GRB10: variants seen among roughly 807,000 people sequenced by gnomAD.
GRB10 encodes growth factor receptor bound protein 10.
In GRB10, 20 loss-of-function variants were observed where a neutral mutation model predicts 80.9. That is an observed-to-expected ratio of 0.25 (90% confidence interval 0.17 to 0.36). The LOEUF (loss-of-function observed/expected upper bound fraction) is 0.36. Ranked by LOEUF, GRB10 falls within the 10% of genes least tolerant of loss-of-function variation. The pLI, the probability that GRB10 is intolerant of heterozygous loss-of-function variation, is 1.00. For synonymous variants in GRB10, 291 were observed against 291.5 expected, an observed-to-expected ratio of 1.00 and a Z score of 0.02; for missense variants, 548 against 747.7, an observed-to-expected ratio of 0.73 and a Z score of 3.12.
intron 17 of GRB10, among the ~76,000 whole-genome samples, chr7:50,596,923 GT>G (rs1343625122): frequency 2.0e-5 from 3 of 152,136 alleles, no homozygotes; most frequent in Admixed American, 2.0e-4. Flanking sequence ...TGAAAAGATA[GT>G]TATACATCAG....
intron 3 of GRB10, among the ~76,000 whole-genome samples, chr7:50,752,233 G>A (rs909357445): frequency 3.9e-5 from 6 of 152,022 alleles, no homozygotes; most frequent in African/African-American, 1.5e-4. Context: ...AAAAAATGAG[G>A]GGCTACAAAA....
At chr7:50,666,149 T>C (rs1387433087) in intron 7 of GRB10, among the ~76,000 whole-genome samples, 1 of 152,206 alleles carries the variant, frequency 6.6e-6, no homozygotes, top group Non-Finnish European at 1.5e-5. Context: ...CTGCTCTCTT[T>C]TGGCACATGC....
intron 14 of GRB10, 35 bp from the exon 15 acceptor site, chr7:50,605,441 G>T (rs761871710): frequency 6.6e-7 from 1 of 1,523,014 alleles, no homozygotes; most frequent in Non-Finnish European, 9.1e-7. Context: ...TAAAATGCAG[G>T]GAAATAAGGC....
intron 7 of GRB10, among the ~76,000 whole-genome samples, chr7:50,662,777 T>A (rs1017383905): frequency 3.3e-5 from 5 of 152,318 alleles, no homozygotes; most frequent in Middle Eastern, 3.4e-3. Flanking sequence ...ACAGGAAAAT[T>A]AAGATTCTAC....
At position 50,626,528 on chromosome 7, in the gene GRB10, G is replaced by C. The variant is rs895222389; in HGVS notation, c.661+294C>G. ...ACAGGTGTGCAGCAAGCTCCATGTG[G>C]CTCTGACAGCTGGGGAGGCTGGACA... On this transcript the variant is annotated intron_variant, in intron 8 of 18. Transcript: ENST00000401949. 2.0e-5 allele frequency among the ~76,000 whole-genome samples: 3 copies of C among 152,326 alleles called. No homozygotes were observed. The South Asian group carries it at 6.2e-4, about 32-fold the overall frequency.
At chr7:50,740,258 C>T (rs572773345) in intron 3 of GRB10, among the ~76,000 whole-genome samples, 2 of 152,294 alleles carry the variant, frequency 1.3e-5, no homozygotes, top group East Asian at 3.9e-4. Context: ...CATTCTAGCT[C>T]ATCGCCCTGG....
At chr7:50,595,601 T>TGACACA in intron 17 of GRB10, 71 bp from the exon 18 acceptor site, 48 of 556,290 alleles carry the variant, frequency 8.6e-5, no homozygotes, top group Non-Finnish European at 1.0e-4. Flanking sequence ...ACACACTCTC[T>TGACACA]TACACACACA....
intron 5 of GRB10, among the ~76,000 whole-genome samples, chr7:50,703,009 C>T (rs1181707546): frequency 3.9e-5 from 6 of 152,160 alleles, no homozygotes; most frequent in Admixed American, 2.0e-4. Context: ...ACCCTTTCCC[C>T]GCATCATGTC....
At chr7:50,786,281 A>C (rs906120724), upstream of GRB10, among the ~76,000 whole-genome samples, 5 of 152,228 alleles carry the variant, frequency 3.3e-5, no homozygotes, top group Non-Finnish European at 7.3e-5. Flanking sequence ...CTGCCATCCT[A>C]GAAAGAGAGA....
chr7:50,648,331 A>G (rs1472496756), intron 7 of GRB10, among the ~76,000 whole-genome samples: 1 of 152,170 alleles, frequency 6.6e-6, no homozygotes, highest in Non-Finnish European at 1.5e-5. Context: ...GGCTTTAGCC[A>G]TGTGGATGCC....
intron 7 of GRB10, among the ~76,000 whole-genome samples, chr7:50,658,886 T>G (rs1442239476): frequency 6.6e-6 from 1 of 152,172 alleles, no homozygotes; most frequent in East Asian, 1.9e-4. Flanking sequence ...AACATGCAGG[T>G]GCCGTCACGT....
At chr7:50,750,156 C>T (rs567971115) in intron 3 of GRB10, among the ~76,000 whole-genome samples, 1 of 152,350 alleles carries the variant, frequency 6.6e-6, no homozygotes, top group Admixed American at 6.5e-5. Context: ...CCTCCGGCAG[C>T]TCTCCGTGGG....
chr7:50,639,790 C>A (rs2055867028), intron 7 of GRB10, among the ~76,000 whole-genome samples: 1 of 152,150 alleles, frequency 6.6e-6, no homozygotes, highest in Non-Finnish European at 1.5e-5. Context: ...TAGCCTCTAC[C>A]CTTGTTTTAT....
intron 7 of GRB10, among the ~76,000 whole-genome samples, chr7:50,663,854 A>G (rs1286281390): frequency 1.3e-5 from 2 of 152,232 alleles, no homozygotes; most frequent in African/African-American, 2.4e-5. Flanking sequence ...TGCAGACACC[A>G]TAGGAGTCAC....
rs907316065 is a variant in GRB10, at chr7:50,755,924, C to T, written c.-84G>A. ...GGCTCTGTAGCACTGTCTGCTGGGG[C>T]GGCCACCCTGGCTTCACTGAGAGGA... is the stretch of plus-strand genomic sequence containing the variant. On this transcript the variant is annotated 5_prime_UTR_variant, in exon 3 of 19. Coordinates refer to ENST00000401949, the MANE Select transcript of GRB10 (RefSeq NM_001350814.2). 2.8e-5 allele frequency: 11 copies of T among 398,668 alleles called. No homozygotes were observed. The Admixed American group carries it at 4.0e-4, about 14-fold the overall frequency. 24.7% of individuals were successfully genotyped at this position (398,668 alleles called of 1,614,324 possible). A position where few individuals can be genotyped will look rare whatever the true frequency, so the allele number is the denominator to read the frequency against.
At chr7:50,732,425 A>C in intron 3 of GRB10, 57 bp from the exon 4 acceptor site, 1 of 1,033,092 alleles carries the variant, frequency 9.7e-7, no homozygotes, top group Non-Finnish European at 1.5e-6. Context: ...AAAATCCACT[A>C]CTTATGGCTG....
intron 3 of GRB10, among the ~76,000 whole-genome samples, chr7:50,738,377 C>T (rs1184279672): frequency 6.6e-6 from 1 of 152,176 alleles, no homozygotes; most frequent in African/African-American, 2.4e-5. Context: ...GTGGAAGCAA[C>T]CTAAGTGTCC....
chr7:50,612,681 C>T lies in GRB10; in HGVS notation c.1194+60G>A. ...TTCCTGCCAGAATAGACATCAAGTCCAGAGGCCAATTTTCCACGAAGAGAT... is the reference window on the plus strand; with the variant it reads ...TTCCTGCCAGAATAGACATCAAGTCTAGAGGCCAATTTTCCACGAAGAGAT... On this transcript the variant is annotated intron_variant, in intron 13 of 18. Coordinates refer to ENST00000401949, the MANE Select transcript of GRB10 (RefSeq NM_001350814.2). The T allele has an allele frequency of 2.6e-6, 3 of 1,132,508 alleles. No homozygotes were observed. The South Asian group carries it at 3.8e-5, about 14-fold the overall frequency. 70.2% of individuals were successfully genotyped at this position (1,132,508 alleles called of 1,614,324 possible).
Position 50,752,215 on chromosome 7 carries a change from T to C in GRB10, c.-47+3672A>G, listed in dbSNP as rs2074229624. Among the ~76,000 whole-genome samples the C allele has an allele frequency of 2.0e-5, 3 of 152,058 alleles. 1 individual carries two copies. The highest frequency in any genetic ancestry group is 4.2e-4 in the South Asian group (2 of 4,800). Reference sequence around the variant, plus strand: ...GGGGAGGACAGTGAAGCAAAGTTATTAGGGGGGAAAAAATGAGGGGCTACA... The same window carrying C: ...GGGGAGGACAGTGAAGCAAAGTTATCAGGGGGGAAAAAATGAGGGGCTACA... On this transcript the variant is annotated intron_variant, in intron 3 of 18. Coordinates refer to ENST00000401949, the MANE Select transcript of GRB10 (RefSeq NM_001350814.2).
Sources: allele counts gnomAD v4.1 joint callset (sites outside exome capture counted in the v4.1 genomes callset), GRCh38; gene constraint gnomAD v4.1.1; transcripts MANE v1.5; gene names NCBI Gene and HGNC (gene_info 2026-07-23, HGNC 2026-07-21).